Variants in FHIT observed in about 807,000 individuals in gnomAD.
FHIT encodes the protein fragile histidine triad diadenosine triphosphatase.
FHIT carries 19 observed loss-of-function variants against 17.9 expected under a neutral mutation model. That is an observed-to-expected ratio of 1.06 (90% CI 0.74 to 1.56). The LOEUF (loss-of-function observed/expected upper bound fraction) is 1.56. Ranked by LOEUF, FHIT falls within the 40% of genes most tolerant of loss-of-function variation. The pLI is 0.00. For missense variants in FHIT, 248 were observed against 189.2 expected (o/e 1.31, Z -1.82); for synonymous variants, 81 against 69.7 (o/e 1.16, Z -0.81).
At chr3:60,970,755 T>C (rs1709970909) in intron 3 of FHIT, among the ~76,000 whole-genome samples, 1 of 152,204 alleles carries the variant, frequency 6.6e-6, no homozygotes, top group Non-Finnish European at 1.5e-5. Flanking sequence ...TACCTGTTAT[T>C]GTTTGTTGCC....
chr3:60,304,049 TCTTG>T (rs781607353), intron 5 of FHIT, among the ~76,000 whole-genome samples: 117 of 152,298 alleles, frequency 7.7e-4, no homozygotes, highest in African/African-American at 2.6e-3. Flanking sequence ...GCACCTTGGC[TCTTG>T]CTTGTCTCCT....
intron 5 of FHIT, among the ~76,000 whole-genome samples, chr3:60,138,686 T>C (rs1699915133): frequency 6.6e-6 from 1 of 152,036 alleles, no homozygotes; most frequent in Non-Finnish European, 1.5e-5. Flanking sequence ...GGTTGAGCTT[T>C]TCGAAGTACA....
chr3:60,820,755 G>T (rs1701895757), intron 4 of FHIT, among the ~76,000 whole-genome samples: 1 of 152,064 alleles, frequency 6.6e-6, no homozygotes, highest in East Asian at 1.9e-4. Context: ...TTTGTGTTCT[G>T]GTACATAGGA....
At chr3:60,400,754 C>T (rs1409994181) in intron 5 of FHIT, among the ~76,000 whole-genome samples, 1 of 152,114 alleles carries the variant, frequency 6.6e-6, no homozygotes, top group Non-Finnish European at 1.5e-5. Context: ...GCTGAAAAGA[C>T]TGAGGAACTT....
intron 8 of FHIT, among the ~76,000 whole-genome samples, chr3:59,854,969 A>G (rs1702092288): frequency 6.6e-6 from 1 of 152,188 alleles, no homozygotes; most frequent in South Asian, 2.1e-4. Flanking sequence ...ATAACTACAG[A>G]CCTGATTACT....
At chr3:61,059,420 A>G (rs17064395) in intron 2 of FHIT, among the ~76,000 whole-genome samples, 6,596 of 142,116 alleles carry the variant, frequency 0.046, 490 homozygotes, top group African/African-American at 0.16. Context: ...AGATAAATTG[A>G]ATACCCATAA....
chr3:60,353,725 C>A (rs1320861269), intron 5 of FHIT, among the ~76,000 whole-genome samples: 1 of 151,868 alleles, frequency 6.6e-6, no homozygotes, highest in Non-Finnish European at 1.5e-5. Context: ...ATAGCCAATT[C>A]CCAGAAGTAT....
At chr3:59,822,887 G>C (rs149196748) in intron 8 of FHIT, among the ~76,000 whole-genome samples, 1 of 152,234 alleles carries the variant, frequency 6.6e-6, no homozygotes, top group Admixed American at 6.5e-5. Context: ...CCAATGTCTA[G>C]AAGGGTTTTT....
At chr3:60,865,595 T>C (rs577497007) in intron 3 of FHIT, among the ~76,000 whole-genome samples, 2 of 152,296 alleles carry the variant, frequency 1.3e-5, no homozygotes, top group African/African-American at 4.8e-5. Context: ...AGAGAGTCTA[T>C]ATCAAGAGAC....
At chr3:59,929,514 G>A (rs1705857587) in intron 7 of FHIT, among the ~76,000 whole-genome samples, 1 of 151,668 alleles carries the variant, frequency 6.6e-6, no homozygotes, top group Non-Finnish European at 1.5e-5. Context: ...GGGACTACAG[G>A]AGCACGCCAC....
intron 4 of FHIT, among the ~76,000 whole-genome samples, chr3:60,632,918 T>A (rs1195551271): frequency 6.6e-6 from 1 of 152,178 alleles, no homozygotes; most frequent in Non-Finnish European, 1.5e-5. Flanking sequence ...CTAAGCAAGT[T>A]ATCAATAATG....
chr3:61,120,590 G>C (rs1318454350), intron 2 of FHIT, among the ~76,000 whole-genome samples: 3 of 152,088 alleles, frequency 2.0e-5, no homozygotes, highest in African/African-American at 7.2e-5. Context: ...AATGCCTTTA[G>C]AAATCCCCAA....
At chr3:60,741,331 T>C (rs928028193) in intron 4 of FHIT, among the ~76,000 whole-genome samples, 25 of 152,186 alleles carry the variant, frequency 1.6e-4, no homozygotes, top group East Asian at 7.7e-4. Flanking sequence ...TCTGACCCTA[T>C]TGCAATCGAG....
intron 4 of FHIT, among the ~76,000 whole-genome samples, chr3:60,738,319 A>G (rs1209306321): frequency 2.0e-5 from 3 of 152,198 alleles, no homozygotes; most frequent in African/African-American, 7.2e-5. Context: ...CAGTTCAGTG[A>G]AGAGTAACTG....
At position 60,729,056 on chromosome 3, in the gene FHIT, G is replaced by T. The variant is rs367616597; in HGVS notation, c.-18+92863C>A. ...AAATTCACATATGCCAAAAAAGAAA[G>T]ACCCAAGAGAAACAAAAACAAAAAC... On this transcript the variant is annotated intron_variant, in intron 4 of 9. Transcript: ENST00000492590. Among the ~76,000 whole-genome samples the T allele has an allele frequency of 2.2e-3, 335 of 152,118 alleles. 1 individual carries two copies. Among genetic ancestry groups the T allele is most frequent in the African/African-American group, 7.7e-3 (321 of 41,514 alleles).
chr3:59,857,812 C>A (rs1702230451), intron 8 of FHIT, among the ~76,000 whole-genome samples: 1 of 147,500 alleles, frequency 6.8e-6, no homozygotes, highest in Non-Finnish European at 1.5e-5. Context: ...ATGTCTGCAG[C>A]GATACTGGGA....
chr3:60,764,205 T>C (rs1422786291), intron 4 of FHIT, among the ~76,000 whole-genome samples: 2 of 152,002 alleles, frequency 1.3e-5, no homozygotes, highest in Non-Finnish European at 2.9e-5. Flanking sequence ...GGGCATGCTA[T>C]CAATTTCTCA....
At chr3:59,914,757 C>G (rs1203957490) in intron 8 of FHIT, among the ~76,000 whole-genome samples, 1 of 151,472 alleles carries the variant, frequency 6.6e-6, no homozygotes, top group African/African-American at 2.4e-5. Flanking sequence ...TAATTCATAT[C>G]TGTTTTATCT....
At chr3:59,870,874 C>CGTGTGTGTGT (rs56278897) in intron 8 of FHIT, among the ~76,000 whole-genome samples, 113 of 149,870 alleles carry the variant, frequency 7.5e-4, no homozygotes, top group African/African-American at 2.6e-3. Flanking sequence ...TGTGTGTGTG[C>CGTGTGTGTGT]GTGTGTGTGT....
Sources: allele counts gnomAD v4.1 joint callset (sites outside exome capture counted in the v4.1 genomes callset), GRCh38; gene constraint gnomAD v4.1.1; transcripts MANE v1.5; gene names NCBI Gene and HGNC (gene_info 2026-07-23, HGNC 2026-07-21).